The following CC2D2A variants were observed in gnomAD, a reference collection of about 807,000 sequenced individuals.
CC2D2A encodes coiled-coil and C2 domain-containing protein 2A.
A neutral mutation model predicts 212.9 loss-of-function variants in CC2D2A; 155 were observed. That is an observed-to-expected ratio of 0.73 (90% confidence interval 0.64 to 0.83). The LOEUF is 0.83. CC2D2A is among the 40% of genes least tolerant of loss of function. The pLI, the probability that CC2D2A is intolerant of heterozygous loss-of-function variation, is 0.00. For missense variants in CC2D2A, 1,856 were observed against 1,956.2 expected (o/e 0.95, Z 0.97); for synonymous variants, 667 against 686.5 (o/e 0.97, Z 0.44).
intron 8 of CC2D2A, among the ~76,000 whole-genome samples, chr4:15,513,567 G>A (rs1355921989): frequency 6.6e-6 from 1 of 152,194 alleles, no homozygotes; most frequent in Non-Finnish European, 1.5e-5. Context: ...TATAGTCCAT[G>A]CTCTGCTCTG....
At chr4:15,569,519 A>G (rs1317142670) in intron 27 of CC2D2A, 130 bp downstream of exon 27, 2 of 620,346 alleles carry the variant, frequency 3.2e-6, no homozygotes, top group Non-Finnish European at 5.8e-6. Context: ...CACACAAGAA[A>G]GAATTCAGAG....
intron 13 of CC2D2A, among the ~76,000 whole-genome samples, chr4:15,530,138 A>AT (rs1175650469): frequency 2.6e-5 from 4 of 151,778 alleles, no homozygotes; most frequent in Non-Finnish European, 5.9e-5. Flanking sequence ...CGCCAGGCTA[A>AT]TTTTTTGTAT....
chr4:15,536,227 AT>A (rs1199107804), intron 14 of CC2D2A, among the ~76,000 whole-genome samples: 1 of 140,508 alleles, frequency 7.1e-6, no homozygotes, highest in African/African-American at 2.6e-5. Context: ...CAAACACCGC[AT>A]GTTCTCACTC....
intron 11 of CC2D2A, among the ~76,000 whole-genome samples, chr4:15,523,418 G>A (rs1346162670): frequency 2.0e-5 from 3 of 152,162 alleles, no homozygotes; most frequent in African/African-American, 4.8e-5. Context: ...CCCACTGGAG[G>A]ACTGTGTCAT....
At chr4:15,504,525 C>T (rs1163066594) in intron 6 of CC2D2A, among the ~76,000 whole-genome samples, 1 of 152,076 alleles carries the variant, frequency 6.6e-6, no homozygotes, top group African/African-American at 2.4e-5. Flanking sequence ...TTTTCTATAC[C>T]TTCTGACTGA....
At chr4:15,560,149 A>T (rs1719502484) in intron 22 of CC2D2A, among the ~76,000 whole-genome samples, 1 of 152,178 alleles carries the variant, frequency 6.6e-6, no homozygotes, top group South Asian at 2.1e-4. Flanking sequence ...CTCTGGAATT[A>T]GGAAGTGAAT....
At chr4:15,579,166 A>G (rs2109082562) in intron 29 of CC2D2A, among the ~76,000 whole-genome samples, 1 of 152,210 alleles carries the variant, frequency 6.6e-6, no homozygotes, top group East Asian at 1.9e-4. Context: ...TACTTTTTAA[A>G]AGTCTGGGAA....
intron 14 of CC2D2A, among the ~76,000 whole-genome samples, chr4:15,534,493 A>G (rs1718017200): frequency 6.6e-6 from 1 of 152,168 alleles, no homozygotes; most frequent in East Asian, 1.9e-4. Flanking sequence ...GGTGTGGAGA[A>G]AGTAAGCTTT....
chr4:15,600,903 CAAAAAA>C (rs5856308), intron 36 of CC2D2A, among the ~76,000 whole-genome samples: 17 of 93,016 alleles, frequency 1.8e-4, no homozygotes, highest in East Asian at 5.2e-4. Flanking sequence ...AGACCTGTCT[CAAAAAA>C]AAAAAAAAAA....
chr4:15,540,549 G>A (rs1718371755), intron 16 of CC2D2A, among the ~76,000 whole-genome samples: 1 of 151,984 alleles, frequency 6.6e-6, no homozygotes, highest in African/African-American at 2.4e-5. Flanking sequence ...TAAAACTTTG[G>A]GACACAAATG....
intron 18 of CC2D2A, among the ~76,000 whole-genome samples, chr4:15,552,471 C>T (rs138570998): frequency 4.9e-4 from 75 of 152,292 alleles, no homozygotes; most frequent in African/African-American, 1.8e-3. Flanking sequence ...CCCCTCTCCA[C>T]TCTCCAAAGC....
intron 28 of CC2D2A, among the ~76,000 whole-genome samples, chr4:15,572,327 A>G (rs1226828093): frequency 6.6e-6 from 1 of 152,166 alleles, no homozygotes; most frequent in African/African-American, 2.4e-5. Context: ...GGCTTTCAAT[A>G]TACTATCATT....
chr4:15,536,307 G>A (rs1238910170), intron 14 of CC2D2A, among the ~76,000 whole-genome samples: 4 of 151,676 alleles, frequency 2.6e-5, no homozygotes, highest in South Asian at 2.1e-4. Context: ...AGGGCCTGTC[G>A]GGGGTGGGAG....
chr4:15,558,241 A>T (rs766419178), intron 21 of CC2D2A, among the ~76,000 whole-genome samples: 1 of 152,152 alleles, frequency 6.6e-6, no homozygotes, highest in Non-Finnish European at 1.5e-5. Context: ...ATCAGGAATT[A>T]GTACCAGGAA....
At position 15,601,482 on chromosome 4, in the gene CC2D2A, T is replaced by G; in HGVS notation, c.*57T>G. On this transcript the variant is annotated 3_prime_UTR_variant, in exon 37 of 37. Coordinates refer to ENST00000424120, the MANE Select transcript of CC2D2A (RefSeq NM_001378615.1). ...AAACTACACTTAGGATATGAGAAAA[T>G]TTTAAATTATATGCATCACATCAGA... 8.9e-7 allele frequency: 1 copy of G among 1,129,398 alleles called. No individual in the cohort carries two copies. Among genetic ancestry groups the G allele is most frequent in the South Asian group, 2.1e-5 (1 of 47,066 alleles). The allele number at this position is 1,129,398 out of a possible 1,614,324, so 70.0% of individuals were successfully genotyped here.
chr4:15,525,801 T>G (rs1451054118), intron 11 of CC2D2A, among the ~76,000 whole-genome samples: 1 of 152,222 alleles, frequency 6.6e-6, no homozygotes, highest in East Asian at 1.9e-4. Context: ...GTATGGGAGT[T>G]GTGGTCTTTT....
Position 15,570,401 on chromosome 4 carries a change from G to C in CC2D2A, c.3499G>C (p.Asp1167His). 1 of 1,589,580 alleles carries C rather than the reference G, an allele frequency of 6.3e-7. No homozygotes were observed. The highest frequency in any genetic ancestry group is 8.6e-7 in the Non-Finnish European group (1 of 1,162,690). The change falls in exon 28 of 37, where the codon GAC (aspartate) becomes CAC (histidine). Residue 1167 changes from aspartate to histidine, a missense_variant. By Grantham distance (81) the Asp-to-His change is moderately conservative (BLOSUM62 -1). Around this residue, in one of 5 missense-constraint regions of CC2D2A, gnomAD observed 1,512 missense variants for 1,579.3 expected, o/e 0.96. Transcript: ENST00000424120. ...TTACTTCCCACCCTTCCTTTAGGAT[G>C]ACCGTGAAAGAGGAAGTGGAATCCA... ...DEVLHDVLEDDRERGSGIHTR... is the reference protein window; with the variant it reads ...DEVLHDVLEDHRERGSGIHTR...
At chr4:15,545,400 T>C (rs1457955338) in intron 17 of CC2D2A, among the ~76,000 whole-genome samples, 2 of 152,028 alleles carry the variant, frequency 1.3e-5, no homozygotes, top group Non-Finnish European at 2.9e-5. Flanking sequence ...AGCCAGGGTG[T>C]TGTGGAGAAT....
chr4:15,516,592 A>C (rs767769543), intron 10 of CC2D2A, 33 bp from the exon 11 acceptor site: 26 of 1,593,620 alleles, frequency 1.6e-5, no homozygotes, highest in Non-Finnish European at 2.2e-5. Context: ...CGATTAGAAG[A>C]AAATGTTGCC....
Sources: allele counts gnomAD v4.1 joint callset (sites outside exome capture counted in the v4.1 genomes callset), GRCh38; gene constraint gnomAD v4.1.1; regional missense constraint gnomAD v4.1.1; transcripts MANE v1.5; gene names NCBI Gene and HGNC (gene_info 2026-07-23, HGNC 2026-07-21).